The following CSMD3 variants were observed in gnomAD, a reference collection of about 807,000 sequenced individuals.
CSMD3 encodes CUB and Sushi multiple domains 3.
In CSMD3, 177 loss-of-function variants were observed where a neutral mutation model predicts 435.2. The observed-to-expected ratio is 0.41, with a 90% CI of 0.36 to 0.46. The LOEUF is 0.46. CSMD3 is among the 20% of genes least tolerant of loss of function. The pLI is 0.34. For synonymous variants in CSMD3, 1,656 were observed against 1,520.5 expected, an observed-to-expected ratio of 1.09 and a Z score of -2.07; for missense variants, 4,265 against 4,504.6, an observed-to-expected ratio of 0.95 and a Z score of 1.52.
chr8:112,868,579 TG>T (rs1210462101), intron 10 of CSMD3, among the ~76,000 whole-genome samples: 4 of 152,142 alleles, frequency 2.6e-5, no homozygotes, highest in Non-Finnish European at 5.9e-5. Context: ...TATAATTTTA[TG>T]GGACCAAGAT....
chr8:113,275,070 T>A (rs2093559471), intron 3 of CSMD3, among the ~76,000 whole-genome samples: 1 of 152,232 alleles, frequency 6.6e-6, no homozygotes, highest in South Asian at 2.1e-4. Flanking sequence ...AGTACTCTTT[T>A]AATCACCATC....
At chr8:113,378,704 C>CA (rs2094401022) in intron 1 of CSMD3, among the ~76,000 whole-genome samples, 1 of 151,920 alleles carries the variant, frequency 6.6e-6, no homozygotes, top group African/African-American at 2.4e-5. Context: ...GAGATATTGC[C>CA]ACTCCCCACC....
chr8:113,023,468 C>A (rs1055639126), intron 5 of CSMD3, among the ~76,000 whole-genome samples: 2 of 151,974 alleles, frequency 1.3e-5, no homozygotes, highest in African/African-American at 4.8e-5. Flanking sequence ...CCAGTTTTGA[C>A]CTCCTTCCTT....
intron 1 of CSMD3, among the ~76,000 whole-genome samples, chr8:113,331,789 T>A (rs982341213): frequency 6.6e-6 from 1 of 151,702 alleles, no homozygotes; most frequent in Non-Finnish European, 1.5e-5. Context: ...TTCAACCTGA[T>A]AAAGAACAGC....
intron 38 of CSMD3, among the ~76,000 whole-genome samples, chr8:112,364,131 A>T (rs926374107): frequency 6.6e-6 from 1 of 152,050 alleles, no homozygotes; most frequent in African/African-American, 2.4e-5. Flanking sequence ...AGTAAAAATA[A>T]TAACAGTTAT....
At chr8:112,754,155 T>G (rs2077638050) in intron 13 of CSMD3, among the ~76,000 whole-genome samples, 1 of 152,168 alleles carries the variant, frequency 6.6e-6, no homozygotes, top group African/African-American at 2.4e-5. Flanking sequence ...GAGGATCCTT[T>G]GTTCACTTAG....
intron 27 of CSMD3, among the ~76,000 whole-genome samples, chr8:112,535,654 A>T (rs1826001573): frequency 6.6e-6 from 1 of 152,102 alleles, no homozygotes; most frequent in Admixed American, 6.6e-5. Flanking sequence ...CTTTCTTCAC[A>T]GAATTGGAAA....
At chr8:112,401,117 G>A (rs775490784) in intron 35 of CSMD3, among the ~76,000 whole-genome samples, 1 of 152,122 alleles carries the variant, frequency 6.6e-6, no homozygotes, top group African/African-American at 2.4e-5. Context: ...GCTGAGGTGG[G>A]AGGATTGTTT....
intron 1 of CSMD3, among the ~76,000 whole-genome samples, chr8:113,413,973 A>G (rs751018614): frequency 6.6e-6 from 1 of 152,224 alleles, no homozygotes; most frequent in Non-Finnish European, 1.5e-5. Context: ...CTTACCTTTA[A>G]AAGAAATGTG....
chr8:112,638,975 C>A, intron 20 of CSMD3, 64 bp from the exon 21 acceptor site: 1 of 1,106,904 alleles, frequency 9.0e-7, no homozygotes, highest in South Asian at 1.3e-5. Flanking sequence ...GAGTTACTGT[C>A]AAACTAACTA....
chr8:112,681,632 G>A (rs2075897515), intron 16 of CSMD3, among the ~76,000 whole-genome samples: 1 of 151,932 alleles, frequency 6.6e-6, no homozygotes, highest in African/African-American at 2.4e-5. Context: ...TTGGGAGGCC[G>A]AGGCAGACAG....
chr8:113,081,144 A>C (rs1470664402), intron 5 of CSMD3, among the ~76,000 whole-genome samples: 1 of 152,206 alleles, frequency 6.6e-6, no homozygotes, highest in Non-Finnish European at 1.5e-5. Flanking sequence ...AATTTTATTA[A>C]TTAGGCTCCT....
intron 12 of CSMD3, among the ~76,000 whole-genome samples, chr8:112,822,302 C>G (rs529222655): frequency 7.2e-5 from 11 of 151,808 alleles, no homozygotes; most frequent in South Asian, 6.2e-4. Context: ...TTTTTTTTCA[C>G]TTGTTTATTT....
intron 6 of CSMD3, among the ~76,000 whole-genome samples, chr8:112,991,898 A>G (rs947334032): frequency 2.6e-5 from 4 of 151,878 alleles, no homozygotes; most frequent in Admixed American, 6.6e-5. Context: ...ACCACCTCTT[A>G]GATGAGCTGT....
intron 4 of CSMD3, among the ~76,000 whole-genome samples, chr8:113,145,133 G>C (rs1273929215): frequency 6.6e-6 from 1 of 151,474 alleles, no homozygotes; most frequent in Non-Finnish European, 1.5e-5. Context: ...AGGAAAGGGT[G>C]GGGTGCTTGG....
intron 3 of CSMD3, among the ~76,000 whole-genome samples, chr8:113,264,814 C>A (rs1007712374): frequency 1.3e-5 from 2 of 151,562 alleles, no homozygotes; most frequent in Non-Finnish European, 3.0e-5. Context: ...TAGCTCATGT[C>A]TGCCTTTTAA....
At chr8:113,348,580 G>T (rs1477676863) in intron 1 of CSMD3, among the ~76,000 whole-genome samples, 1 of 152,038 alleles carries the variant, frequency 6.6e-6, no homozygotes, top group Non-Finnish European at 1.5e-5. Flanking sequence ...AATCAATCCT[G>T]GAGATCAAGG....
rs118061594 is a variant in CSMD3 at position 112,685,703 on chromosome 8, T to C, written c.2185A>G (p.Met729Val). 145 of 1,612,834 alleles carry C rather than the reference T, an allele frequency of 9.0e-5. No homozygotes were observed. The East Asian group carries it at 1.9e-3, about 21-fold the overall frequency. Residue 729 changes from methionine (M) to valine (V), a missense_variant, in exon 15 of 71, where the codon ATG becomes GTG. Physicochemically the swap from Met to Val is conservative, Grantham distance 21. Transcript: ENST00000297405. ...TAATCAGGAGAAAGAACTGTTCCCA[T>C]TGGTGCAGTAAAGTTAGACAGGCAG... ...FPCLSNFTAPMGTVLSPDYPE... is the reference protein window; with the variant it reads ...FPCLSNFTAPVGTVLSPDYPE...
chr8:112,763,237 A>C (rs2132157850), intron 13 of CSMD3, among the ~76,000 whole-genome samples: 1 of 151,784 alleles, frequency 6.6e-6, no homozygotes, highest in Admixed American at 6.6e-5. Context: ...TGATAAAATG[A>C]AAAAATCTTG....
Sources: allele counts gnomAD v4.1 joint callset (sites outside exome capture counted in the v4.1 genomes callset), GRCh38; gene constraint gnomAD v4.1.1; transcripts MANE v1.5; gene names NCBI Gene and HGNC (gene_info 2026-07-23, HGNC 2026-07-21).